Variants in RGPD2 observed in about 807,000 individuals in gnomAD.
RGPD2 encodes the protein RANBP2-like and GRIP domain-containing protein 2.
In RGPD2, 2 loss-of-function variants were observed where a neutral mutation model predicts 36.0. That is an observed-to-expected ratio of 0.06 (90% CI 0.02 to 0.17). The LOEUF is 0.17. Among genes scored for constraint, RGPD2 ranks in the 10% least tolerant of loss-of-function variants. The probability of loss-of-function intolerance (pLI) is 1.00; values close to 1 mark genes in which losing one functional copy is unlikely to be tolerated. For missense variants in RGPD2, 40 were observed against 464.3 expected (o/e 0.09, Z 8.40); for synonymous variants, 19 against 163.8 (o/e 0.12, Z 6.75).
the RGPD2 span, among the ~76,000 whole-genome samples, chr2:87,879,362 G>A: frequency 1.7e-4 from 26 of 150,184 alleles, no homozygotes; most frequent in African/African-American, 4.4e-4. Context: ...CAGTCATGCC[G>A]TTTTCCTGTC....
chr2:87,958,216 T>G, the RGPD2 span, among the ~76,000 whole-genome samples: 1 of 152,094 alleles, frequency 6.6e-6, no homozygotes, highest in South Asian at 2.1e-4. Flanking sequence ...TATGGTTAAT[T>G]GTTATTTTGA....
chr2:87,857,091 G>A, the RGPD2 span, among the ~76,000 whole-genome samples: 22 of 152,326 alleles, frequency 1.4e-4, no homozygotes, highest in African/African-American at 5.1e-4. Flanking sequence ...ATCCATCTAA[G>A]GCCAAAACAG....
At chr2:87,824,769 CCGGCCAGGCCGAGGCCGAGGCCGAG>C (rs1558738407) in intron 1 of RGPD2, among the ~76,000 whole-genome samples, 93 of 112,590 alleles carry the variant, frequency 8.3e-4, no homozygotes, top group Admixed American at 1.6e-3. Context: ...CCGCCGCCGC[CCGGCCAGGCCGAGGCCGAGGCCGAG>C]GCCGCCGCCG....
At chr2:87,921,149 A>T in the RGPD2 span, among the ~76,000 whole-genome samples, 3 of 151,316 alleles carry the variant, frequency 2.0e-5, no homozygotes. Flanking sequence ...GATCAACATA[A>T]CAAAGCTTAA....
At chr2:87,988,541 A>ATATATATATATATATATATATATT in the RGPD2 span, among the ~76,000 whole-genome samples, 3 of 54,150 alleles carry the variant, frequency 5.5e-5, no homozygotes, top group South Asian at 1.1e-3. Flanking sequence ...ATATATATAT[A>ATATATATATATATATATATATATT]TTTTTTTTTT....
chr2:87,886,174 G>A, the RGPD2 span, among the ~76,000 whole-genome samples: 4 of 151,580 alleles, frequency 2.6e-5, no homozygotes, highest in East Asian at 1.9e-4. Flanking sequence ...TTCTAGGCAC[G>A]TTTCTACCTC....
At chr2:87,930,689 G>A in the RGPD2 span, among the ~76,000 whole-genome samples, 1 of 150,912 alleles carries the variant, frequency 6.6e-6, no homozygotes, top group South Asian at 2.1e-4. Flanking sequence ...CAATTCCTCT[G>A]ATCCTGGGCT....
upstream of RGPD2, among the ~76,000 whole-genome samples, chr2:87,830,346 G>GACTAT (rs1220167142): frequency 3.3e-5 from 5 of 152,328 alleles, no homozygotes; most frequent in African/African-American, 1.2e-4. Flanking sequence ...GAGATTCCCA[G>GACTAT]CAAGATCACC....
At chr2:87,809,174 G>A (rs374955753) in intron 6 of RGPD2, among the ~76,000 whole-genome samples, 3 of 150,076 alleles carry the variant, frequency 2.0e-5, no homozygotes, top group Non-Finnish European at 3.0e-5. Flanking sequence ...GTGTGGTGGC[G>A]GGCACCTGTA....
the RGPD2 span, among the ~76,000 whole-genome samples, chr2:87,852,838 T>A: frequency 3.3e-5 from 5 of 152,410 alleles, no homozygotes; most frequent in African/African-American, 1.2e-4. Context: ...CACTTCCTAT[T>A]TGTTATTGTT....
At chr2:87,827,399 T>C (rs1281851567), upstream of RGPD2, among the ~76,000 whole-genome samples, 4 of 151,462 alleles carry the variant, frequency 2.6e-5, no homozygotes, top group African/African-American at 9.7e-5. Flanking sequence ...ATTCCAACTT[T>C]CTCACTTTCA....
In RGPD2 at chr2:87,762,062, T is replaced by C. The variant is rs1325213855; in HGVS notation, c.5237-4636A>G. ...AGTTTACAAACGCCAATTTAAACTTTTGTTTTGTCATACGCAATGATTTTA... is the reference window on the plus strand; with the variant it reads ...AGTTTACAAACGCCAATTTAAACTTCTGTTTTGTCATACGCAATGATTTTA... On this transcript the variant is annotated intron_variant, in intron 22 of 22. Transcript: ENST00000398146. Among the ~76,000 whole-genome samples, 4 of 150,346 alleles carry C rather than the reference T, an allele frequency of 2.7e-5. 1 individual carries two copies. Among genetic ancestry groups the C allele is most frequent in the Non-Finnish European group, 5.9e-5 (4 of 67,398 alleles).
chr2:87,967,305 G>T, the RGPD2 span, among the ~76,000 whole-genome samples: 1 of 148,966 alleles, frequency 6.7e-6, no homozygotes, highest in Non-Finnish European at 1.5e-5. Flanking sequence ...CTACGTGGGA[G>T]GCTGAGGCAG....
At chr2:87,882,420 G>T in the RGPD2 span, among the ~76,000 whole-genome samples, 1 of 152,176 alleles carries the variant, frequency 6.6e-6, no homozygotes, top group Admixed American at 6.5e-5. Flanking sequence ...GTTACGCAGG[G>T]TTATTTTTGG....
chr2:87,983,083 G>A, the RGPD2 span, among the ~76,000 whole-genome samples: 1 of 144,412 alleles, frequency 6.9e-6, no homozygotes, highest in Non-Finnish European at 1.5e-5. Flanking sequence ...ACTTTGGGAG[G>A]CCAAGGTGGG....
chr2:87,882,655 T>C, the RGPD2 span, among the ~76,000 whole-genome samples: 4 of 152,368 alleles, frequency 2.6e-5, no homozygotes, highest in South Asian at 8.3e-4. Context: ...TGATACGGAT[T>C]CCATTGAATT....
At chr2:87,879,347 A>T in the RGPD2 span, among the ~76,000 whole-genome samples, 8 of 152,152 alleles carry the variant, frequency 5.3e-5, no homozygotes, top group South Asian at 2.1e-4. Context: ...AATTATTATT[A>T]ACCACAGTCA....
the RGPD2 span, among the ~76,000 whole-genome samples, chr2:87,884,562 A>G: frequency 1.3e-5 from 2 of 151,822 alleles, no homozygotes; most frequent in Non-Finnish European, 2.9e-5. Context: ...CTAACTAAGA[A>G]TAAAAGAGAG....
chr2:87,813,846 T>C (rs1179410200), intron 4 of RGPD2, among the ~76,000 whole-genome samples: 1 of 147,634 alleles, frequency 6.8e-6, no homozygotes, highest in South Asian at 2.1e-4. Context: ...TGGAATTACT[T>C]TGCATGACAA....
Sources: gnomAD v4.1 joint callset for allele counts (sites outside exome capture counted in the v4.1 genomes callset) on GRCh38, gnomAD v4.1.1 for gene constraint, MANE v1.5 for transcripts, NCBI Gene and HGNC (gene_info 2026-07-23, HGNC 2026-07-21) for gene names.